The following ARID1B variants were observed in gnomAD, a reference collection of about 807,000 sequenced individuals.
ARID1B encodes AT-rich interaction domain 1B, also known as AT-rich interactive domain-containing protein 1B.
A neutral mutation model predicts 212.3 loss-of-function variants in ARID1B; 30 were observed. The observed-to-expected ratio is 0.14, with a 90% confidence interval of 0.11 to 0.19. ARID1B has a LOEUF of 0.19. Ranked by LOEUF, ARID1B falls within the 10% of genes least tolerant of loss-of-function variation. The pLI is 1.00. For synonymous variants in ARID1B, 1,402 were observed against 1,301.7 expected (o/e 1.08, Z -1.66); for missense variants, 2,891 against 3,204.0 (o/e 0.90, Z 2.36).
chr6:156,837,345 AGT>A (rs1783581080), intron 2 of ARID1B, among the ~76,000 whole-genome samples: 1 of 152,230 alleles, frequency 6.6e-6, no homozygotes, highest in African/African-American at 2.4e-5. Flanking sequence ...CTACTTTCTA[AGT>A]AGTTCTGAAA....
intron 2 of ARID1B, among the ~76,000 whole-genome samples, chr6:156,876,110 G>C (rs1786525211): frequency 6.6e-6 from 1 of 152,212 alleles, no homozygotes; most frequent in Admixed American, 6.5e-5. Flanking sequence ...CTGGATGATA[G>C]TGTTGACTTT....
chr6:157,087,232 A>C (rs937538818), intron 5 of ARID1B, among the ~76,000 whole-genome samples: 4 of 152,224 alleles, frequency 2.6e-5, no homozygotes, highest in African/African-American at 9.6e-5. Flanking sequence ...ACATGGGGTT[A>C]GATTATATAA....
chr6:157,129,755 G>A (rs1372891487), intron 6 of ARID1B, among the ~76,000 whole-genome samples: 4 of 152,192 alleles, frequency 2.6e-5, no homozygotes, highest in Non-Finnish European at 5.9e-5. Flanking sequence ...CACTACATAT[G>A]TATTTTTAAG....
chr6:156,964,826 GC>G (rs1402887062), intron 4 of ARID1B, among the ~76,000 whole-genome samples: 1 of 152,148 alleles, frequency 6.6e-6, no homozygotes, highest in Non-Finnish European at 1.5e-5. Flanking sequence ...GGGAGAATCA[GC>G]CTTGGTTCTT....
intron 4 of ARID1B, among the ~76,000 whole-genome samples, chr6:157,019,349 AGCCAGCATCTG>A (rs1175215803): frequency 1.3e-5 from 2 of 152,188 alleles, no homozygotes; most frequent in Non-Finnish European, 2.9e-5. Flanking sequence ...TGATGTTTAT[AGCCAGCATCTG>A]GTAAGTGCTG....
chr6:157,105,206 G>GTATGCC (rs1786366774), intron 5 of ARID1B, among the ~76,000 whole-genome samples: 1 of 152,172 alleles, frequency 6.6e-6, no homozygotes, highest in Non-Finnish European at 1.5e-5. Flanking sequence ...AAAAAAACAT[G>GTATGCC]TATGTACTCG....
chr6:156,993,985 A>G (rs899705878), intron 4 of ARID1B, among the ~76,000 whole-genome samples: 1 of 152,250 alleles, frequency 6.6e-6, no homozygotes, highest in Non-Finnish European at 1.5e-5. Flanking sequence ...TCAGGCTCAC[A>G]GATGCCATTG....
chr6:157,141,272 CATAAATGGAAAAAAACTACCA>C (rs1361242100), intron 7 of ARID1B: 1 of 152,156 alleles, frequency 6.6e-6, no homozygotes, highest in Non-Finnish European at 1.5e-5. Context: ...ATTGTTGTAA[CATAAATGGAAAAAAACTACCA>C]AAAGTGAAAC....
chr6:157,049,802 ATTTTCT>A, intron 4 of ARID1B, among the ~76,000 whole-genome samples: 1 of 152,310 alleles, frequency 6.6e-6, no homozygotes, highest in Non-Finnish European at 1.5e-5. Flanking sequence ...CATTTCTAGA[ATTTTCT>A]TTTTAAATCT....
chr6:157,122,056 G>GAAATGC (rs1322242292), intron 6 of ARID1B, among the ~76,000 whole-genome samples: 1 of 152,206 alleles, frequency 6.6e-6, no homozygotes, highest in Non-Finnish European at 1.5e-5. Context: ...ACATGTTTTA[G>GAAATGC]AAATGCTAGT....
chr6:157,147,899 G>A (rs1428619552), intron 7 of ARID1B, among the ~76,000 whole-genome samples: 3 of 87,916 alleles, frequency 3.4e-5, no homozygotes, highest in African/African-American at 1.0e-4. Flanking sequence ...CCTCACCTCC[G>A]CCTCCGACCC....
intron 5 of ARID1B, among the ~76,000 whole-genome samples, chr6:157,085,472 T>C (rs1233993957): frequency 2.0e-5 from 3 of 152,224 alleles, no homozygotes; most frequent in Admixed American, 6.5e-5. Flanking sequence ...TTTATTTCAC[T>C]TGTCATGCAT....
chr6:156,870,125 G>A (rs998356744), intron 2 of ARID1B: 16 of 152,374 alleles, frequency 1.1e-4, no homozygotes, highest in African/African-American at 3.8e-4. Flanking sequence ...TCCAGTTCTA[G>A]CTCCGAAACA....
intron 2 of ARID1B, among the ~76,000 whole-genome samples, chr6:156,896,128 G>C (rs1410519881): frequency 6.6e-6 from 1 of 152,192 alleles, no homozygotes; most frequent in Non-Finnish European, 1.5e-5. Context: ...TTCTGTCTTA[G>C]AGTTAGATTT....
intron 3 of ARID1B, among the ~76,000 whole-genome samples, chr6:156,932,144 A>AGG (rs1562492914): frequency 2.8e-4 from 27 of 95,220 alleles, no homozygotes; most frequent in African/African-American, 1.5e-3. Context: ...AAAAAAAAAA[A>AGG]AGGGGGGGGG....
chr6:157,139,925 T>C (rs1369782523), intron 7 of ARID1B, among the ~76,000 whole-genome samples: 1 of 151,780 alleles, frequency 6.6e-6, no homozygotes, highest in Non-Finnish European at 1.5e-5. Flanking sequence ...GTTTTCACCA[T>C]GTTGGCCAAG....
chr6:156,963,000 C>T (rs1352714261), intron 4 of ARID1B, among the ~76,000 whole-genome samples: 3 of 151,824 alleles, frequency 2.0e-5, no homozygotes, highest in East Asian at 1.9e-4. Context: ...CCAGGATGAT[C>T]GCTATCTCCT....
Position 157,056,926 on chromosome 6 carries a change from G to A in ARID1B, c.2248-27736G>A, listed in dbSNP as rs150403998. On this transcript the variant is annotated intron_variant, in intron 4 of 19. Coordinates refer to ENST00000636930, the MANE Select transcript of ARID1B (RefSeq NM_001374828.1). ...TTTTTTAAATAAGTTTAAGTTCAGG[G>A]GTACATGTGCAGGTTTGTTGTGTAG... is the stretch of plus-strand genomic sequence containing the variant. 7.1e-3 allele frequency among the ~76,000 whole-genome samples: 1,072 copies of A among 150,736 alleles called. 11 individuals are homozygous for A. Among genetic ancestry groups the A allele is most frequent in the African/African-American group, 0.025 (1,025 of 41,050 alleles).
At chr6:156,905,311 C>T (rs1255951942) in intron 3 of ARID1B, among the ~76,000 whole-genome samples, 4 of 148,336 alleles carry the variant, frequency 2.7e-5, no homozygotes, top group Non-Finnish European at 6.0e-5. Context: ...GGCTCATATG[C>T]TTATGGAGTT....
Sources: gnomAD v4.1 joint callset for allele counts (sites outside exome capture counted in the v4.1 genomes callset) on GRCh38, gnomAD v4.1.1 for gene constraint, MANE v1.5 for transcripts, NCBI Gene and HGNC (gene_info 2026-07-23, HGNC 2026-07-21) for gene names.